Variants in HERC4 observed in about 807,000 individuals in gnomAD.
HERC4 encodes the protein HECT and RLD domain containing E3 ubiquitin protein ligase 4.
Under a neutral mutation model 124.3 loss-of-function variants are expected in HERC4, and 28 were observed. The ratio of observed to expected loss-of-function variants is 0.23; its 90% CI spans 0.17 to 0.31. The LOEUF is 0.31. Ranked by LOEUF, HERC4 falls within the 10% of genes least tolerant of loss-of-function variation. HERC4 has a pLI of 1.00. For synonymous variants in HERC4, 407 were observed against 421.5 expected (o/e 0.97, Z 0.42); for missense variants, 713 against 1,229.3 (o/e 0.58, Z 6.28).
Position 68,073,252 on chromosome 10 carries a change from T to C in HERC4, c.-78-66A>G, listed in dbSNP as rs1464245243. 6.5e-6 allele frequency: 4 copies of C among 616,264 alleles called. No homozygotes were observed. In the East Asian group the frequency reaches 1.1e-4, roughly 17 times the overall value. The allele number at this position is 616,264 out of a possible 1,614,324, so 38.2% of individuals were successfully genotyped here. On this transcript the variant is annotated intron_variant, in intron 2 of 24. Transcript: ENST00000373700. The stretch of plus-strand genomic sequence containing the variant: ...AAGGATGTATAATTGCTCTTTCAAG[T>C]GCTAGGCTACAATAATTGCTACATG...
rs181375027 is a variant in HERC4 at position 67,928,694 on chromosome 10, G to A, written c.2839-3507C>T. Among the ~76,000 whole-genome samples, 42 of 152,232 alleles carry A rather than the reference G, an allele frequency of 2.8e-4. 1 individual carries two copies. Among genetic ancestry groups the A allele is most frequent in the African/African-American group, 8.7e-4 (36 of 41,532 alleles). On this transcript the variant is annotated intron_variant, in intron 23 of 24. Transcript: ENST00000373700. ...TCCCAGCACTTTGGGAGGCCGAGGC[G>A]AGTGGATCATGAGGTCAGGAGTTCA...
intron 11 of HERC4, among the ~76,000 whole-genome samples, chr10:67,991,440 ATGT>A (rs2036545394): frequency 6.6e-6 from 1 of 152,146 alleles, no homozygotes; most frequent in Non-Finnish European, 1.5e-5. Flanking sequence ...CATTTATCCA[ATGT>A]TATCTGCTTT....
chr10:67,928,527 G>A (rs2031405448), intron 23 of HERC4, among the ~76,000 whole-genome samples: 1 of 152,110 alleles, frequency 6.6e-6, no homozygotes, highest in Non-Finnish European at 1.5e-5. Context: ...CTTTAAAATG[G>A]CTTTAAAGTA....
At chr10:67,952,434 C>T (rs1026061464) in intron 19 of HERC4, among the ~76,000 whole-genome samples, 2 of 151,970 alleles carry the variant, frequency 1.3e-5, no homozygotes, top group South Asian at 2.1e-4. Context: ...CAGGCATGTA[C>T]CACCACGCCC....
intron 15 of HERC4, among the ~76,000 whole-genome samples, chr10:67,973,816 G>A (rs1010170613): frequency 1.5e-4 from 23 of 152,048 alleles, no homozygotes; most frequent in African/African-American, 5.6e-4. Flanking sequence ...AACTTTGGGA[G>A]GCCAAGGTGG....
At chr10:68,037,674 A>G (rs1378434531) in intron 5 of HERC4, among the ~76,000 whole-genome samples, 1 of 152,204 alleles carries the variant, frequency 6.6e-6, no homozygotes, top group Non-Finnish European at 1.5e-5. Flanking sequence ...CTATATAATA[A>G]ACAAAAAATG....
At chr10:67,963,547 T>C (rs934333967) in intron 16 of HERC4, among the ~76,000 whole-genome samples, 4 of 152,184 alleles carry the variant, frequency 2.6e-5, no homozygotes, top group Non-Finnish European at 5.9e-5. Context: ...GCTGTGGTCT[T>C]AGAGTTCTTT....
intron 3 of HERC4, among the ~76,000 whole-genome samples, chr10:68,051,733 A>T (rs1589426990): frequency 7.0e-6 from 1 of 143,350 alleles, no homozygotes; most frequent in Non-Finnish European, 1.5e-5. Flanking sequence ...TCTGTTGCCC[A>T]GGCTGGAGTG....
chr10:67,995,363 A>G (rs1011663742), intron 9 of HERC4: 15 of 232,168 alleles, frequency 6.5e-5, no homozygotes. Context: ...TCCCTATTAT[A>G]TAGTTATCTT....
At chr10:67,935,132 T>C (rs1269826612) in intron 22 of HERC4, among the ~76,000 whole-genome samples, 1 of 151,954 alleles carries the variant, frequency 6.6e-6, no homozygotes, top group African/African-American at 2.4e-5. Flanking sequence ...TGTTGACCTT[T>C]GGCTATCGAT....
chr10:67,962,201 C>G (rs1415570389), intron 16 of HERC4, among the ~76,000 whole-genome samples: 2 of 144,336 alleles, frequency 1.4e-5, no homozygotes, highest in African/African-American at 5.1e-5. Flanking sequence ...AGTGTTATTA[C>G]TACTAAGAAA....
At chr10:68,039,666 C>T in intron 4 of HERC4, 2 of 1,359,084 alleles carry the variant, frequency 1.5e-6, no homozygotes, top group Non-Finnish European at 1.9e-6. Flanking sequence ...TTCAAATTTT[C>T]AAACTCAACA....
At chr10:67,929,460 A>C (rs774185411) in intron 23 of HERC4, among the ~76,000 whole-genome samples, 10 of 152,218 alleles carry the variant, frequency 6.6e-5, no homozygotes, top group Admixed American at 2.0e-4. Context: ...CAACCATTTG[A>C]AACTGGCTTC....
At position 68,073,654 on chromosome 10, in the gene HERC4, T is replaced by C. The variant is rs2041674312; in HGVS notation, c.-79+3A>G. On this transcript the variant is annotated splice_donor_region_variant and intron_variant, in intron 2 of 24. Coordinates refer to ENST00000373700, the MANE Select transcript of HERC4 (RefSeq NM_015601.4). ...TAGTATAATTAAGCTTTCTAATACC[T>C]ACCTCCACATCAACAGAAAATGGAG... is the stretch of plus-strand genomic sequence containing the variant. 1 of 152,144 alleles carries C rather than the reference T, an allele frequency of 6.6e-6. No homozygotes were observed. The highest frequency in any genetic ancestry group is 2.4e-5 in the African/African-American group (1 of 41,412). The allele number at this position is 152,144 out of a possible 1,614,324, so 9.4% of individuals were successfully genotyped here.
chr10:68,018,605 A>C (rs536464815), intron 8 of HERC4, among the ~76,000 whole-genome samples: 1 of 152,324 alleles, frequency 6.6e-6, no homozygotes, highest in East Asian at 1.9e-4. Context: ...GTTATTAATA[A>C]GAGTTTAGCA....
chr10:67,956,745 G>A, intron 17 of HERC4, 133 bp downstream of exon 17: 1 of 477,640 alleles, frequency 2.1e-6, no homozygotes, highest in Non-Finnish European at 3.7e-6. Flanking sequence ...ATCACATGCA[G>A]CAGTCTTCTT....
intron 16 of HERC4, among the ~76,000 whole-genome samples, chr10:67,958,313 C>G (rs2034276793): frequency 6.6e-6 from 1 of 152,116 alleles, no homozygotes; most frequent in South Asian, 2.1e-4. Flanking sequence ...AGCTAATGAT[C>G]ATAAAAACTA....
chr10:67,973,321 A>G (rs1205594919), intron 15 of HERC4, among the ~76,000 whole-genome samples: 1 of 152,250 alleles, frequency 6.6e-6, no homozygotes, highest in Non-Finnish European at 1.5e-5. Context: ...CGGCACATGG[A>G]GCAAAACTGG....
At chr10:68,039,306 A>T in intron 4 of HERC4, 1 of 1,341,966 alleles carries the variant, frequency 7.5e-7, no homozygotes, top group African/African-American at 1.6e-5. Flanking sequence ...ATAGAGTAAG[A>T]CCCTGTCTCA....
Sources: allele counts gnomAD v4.1 joint callset (sites outside exome capture counted in the v4.1 genomes callset), GRCh38; gene constraint gnomAD v4.1.1; transcripts MANE v1.5; gene names NCBI Gene and HGNC (gene_info 2026-07-23, HGNC 2026-07-21).